The following ENTPD1 variants were observed in gnomAD, a reference collection of about 807,000 sequenced individuals.
The protein encoded by ENTPD1 is ectonucleoside triphosphate diphosphohydrolase 1.
A neutral mutation model predicts 57.0 loss-of-function variants in ENTPD1; 33 were observed. The ratio of observed to expected loss-of-function variants is 0.58; its 90% CI spans 0.44 to 0.77. The LOEUF (loss-of-function observed/expected upper bound fraction) is 0.77, where lower values mean the gene tolerates loss of function less well. Among genes scored for constraint, ENTPD1 ranks in the 30% least tolerant of loss-of-function variants. The pLI is 0.00. For synonymous variants in ENTPD1, 202 were observed against 218.8 expected (o/e 0.92, Z 0.68); for missense variants, 501 against 603.4 (o/e 0.83, Z 1.78).
chr10:95,767,314 CAAAAAAAA>C (rs1160221654), intron 1 of ENTPD1, among the ~76,000 whole-genome samples: 1 of 68,162 alleles, frequency 1.5e-5, no homozygotes. Flanking sequence ...GACTCCATCT[CAAAAAAAA>C]AAAAAAAAAA....
intron 1 of ENTPD1, among the ~76,000 whole-genome samples, chr10:95,769,614 C>T (rs1156342874): frequency 1.3e-5 from 2 of 152,146 alleles, no homozygotes; most frequent in Admixed American, 6.5e-5. Context: ...GTGACTTTAT[C>T]CAATTCACGT....
At chr10:95,794,937 G>A (rs557800435) in intron 1 of ENTPD1, among the ~76,000 whole-genome samples, 1 of 152,230 alleles carries the variant, frequency 6.6e-6, no homozygotes, top group African/African-American at 2.4e-5. Context: ...CCAGGGAGGG[G>A]CCAGAACATA....
the ENTPD1 span, among the ~76,000 whole-genome samples, chr10:95,694,552 G>A: frequency 2.0e-5 from 3 of 151,778 alleles, no homozygotes; most frequent in Non-Finnish European, 2.9e-5. Context: ...GTTAGAAAAA[G>A]CAGTGAGAGA....
In ENTPD1 at chr10:95,863,330, G is replaced by A. The variant is rs540322372; in HGVS notation, c.1189-1394G>A. Reference sequence around the variant, plus strand: ...CAAGTTGGACCTAAGTAGATTCTTGGGATTTTGTGTCCCATAGGCATCCTT... The same window carrying A: ...CAAGTTGGACCTAAGTAGATTCTTGAGATTTTGTGTCCCATAGGCATCCTT... On this transcript the variant is annotated intron_variant, in intron 8 of 9. Transcript: ENST00000371205. Among the ~76,000 whole-genome samples, 12 of 152,300 alleles carry A rather than the reference G, an allele frequency of 7.9e-5. No homozygotes were observed. The South Asian group carries it at 2.3e-3, about 29-fold the overall frequency.
intron 1 of ENTPD1, among the ~76,000 whole-genome samples, chr10:95,812,718 G>A (rs1447322273): frequency 6.6e-6 from 1 of 152,116 alleles, no homozygotes; most frequent in East Asian, 1.9e-4. Context: ...AGGCACAAGT[G>A]TTTCAGTTGC....
At chr10:95,731,781 C>CTTTTTTTTTTTTTTTGTTTTTT (rs2097989396) in intron 1 of ENTPD1, among the ~76,000 whole-genome samples, 1 of 79,180 alleles carries the variant, frequency 1.3e-5, no homozygotes, top group Non-Finnish European at 2.3e-5. Flanking sequence ...AGTGGACATC[C>CTTTTTTTTTTTTTTTGTTTTTT]TTTTTTTTTT....
At chr10:95,694,644 G>C in the ENTPD1 span, among the ~76,000 whole-genome samples, 5 of 148,316 alleles carry the variant, frequency 3.4e-5, no homozygotes, top group Admixed American at 2.0e-4. Context: ...TAGGAGGTGA[G>C]AAAATAAGAT....
intron 1 of ENTPD1, among the ~76,000 whole-genome samples, chr10:95,794,004 T>A (rs1754865577): frequency 6.6e-6 from 1 of 152,234 alleles, no homozygotes; most frequent in South Asian, 2.1e-4. Flanking sequence ...TTCTAATATA[T>A]ATCTGCATAA....
intron 2 of ENTPD1, among the ~76,000 whole-genome samples, chr10:95,825,726 C>T (rs984443029): frequency 6.6e-6 from 1 of 151,996 alleles, no homozygotes; most frequent in Non-Finnish European, 1.5e-5. Context: ...TACAGGTGCC[C>T]GCCATCACGC....
At chr10:95,726,076 G>A (rs1220786293) in intron 1 of ENTPD1, among the ~76,000 whole-genome samples, 1 of 152,288 alleles carries the variant, frequency 6.6e-6, no homozygotes, top group South Asian at 2.1e-4. Flanking sequence ...GCAGGTCATA[G>A]TTTCCCATTG....
intron 1 of ENTPD1, among the ~76,000 whole-genome samples, chr10:95,736,363 G>A (rs1436860755): frequency 6.6e-6 from 1 of 152,082 alleles, no homozygotes; most frequent in African/African-American, 2.4e-5. Flanking sequence ...GAGGAGTTTT[G>A]CTTGGGAATG....
intron 2 of ENTPD1, among the ~76,000 whole-genome samples, chr10:95,831,442 T>G (rs1452918550): frequency 6.6e-6 from 1 of 152,232 alleles, no homozygotes; most frequent in Non-Finnish European, 1.5e-5. Flanking sequence ...AACTGATGCT[T>G]CTTCTCTTGT....
intron 1 of ENTPD1, among the ~76,000 whole-genome samples, chr10:95,728,205 A>G (rs2097985654): frequency 6.6e-6 from 1 of 152,244 alleles, no homozygotes; most frequent in Non-Finnish European, 1.5e-5. Flanking sequence ...CTTATCTATT[A>G]ATAGCCTACT....
chr10:95,816,985 C>T (rs999321434), intron 1 of ENTPD1, among the ~76,000 whole-genome samples: 2 of 152,126 alleles, frequency 1.3e-5, no homozygotes, highest in Non-Finnish European at 2.9e-5. Flanking sequence ...TACATAGCAA[C>T]CCTATGAAGC....
chr10:95,709,848 C>T (rs2097964102), upstream of ENTPD1, among the ~76,000 whole-genome samples: 1 of 152,018 alleles, frequency 6.6e-6, no homozygotes, highest in South Asian at 2.1e-4. Context: ...TCACTGCAAC[C>T]ACCACCTCCT....
chr10:95,705,291 G>GTGTGTGTGTGTT, the ENTPD1 span, among the ~76,000 whole-genome samples: 1 of 151,968 alleles, frequency 6.6e-6, no homozygotes, highest in East Asian at 1.9e-4. Flanking sequence ...GTGTGTGTGT[G>GTGTGTGTGTGTT]TGTGTGTATG....
chr10:95,698,826 A>T, the ENTPD1 span, among the ~76,000 whole-genome samples: 1 of 152,336 alleles, frequency 6.6e-6, no homozygotes, highest in Middle Eastern at 3.4e-3. Context: ...ACTAAGATAC[A>T]CACCTTGTCA....
chr10:95,727,094 C>A (rs1473180564), intron 1 of ENTPD1, among the ~76,000 whole-genome samples: 2 of 152,098 alleles, frequency 1.3e-5, no homozygotes, highest in Non-Finnish European at 2.9e-5. Context: ...CCGTGTAGTC[C>A]AAGCAGTTTA....
At chr10:95,804,842 A>C (rs1359055320) in intron 1 of ENTPD1, among the ~76,000 whole-genome samples, 1 of 152,182 alleles carries the variant, frequency 6.6e-6, no homozygotes, top group Non-Finnish European at 1.5e-5. Flanking sequence ...TATTATTTTG[A>C]GATATGTTCC....
Sources: gnomAD v4.1 joint callset for allele counts (sites outside exome capture counted in the v4.1 genomes callset) on GRCh38, gnomAD v4.1.1 for gene constraint, MANE v1.5 for transcripts, NCBI Gene and HGNC (gene_info 2026-07-23, HGNC 2026-07-21) for gene names.